The following SLC24A2 variants were observed in gnomAD, a reference collection of about 807,000 sequenced individuals.
SLC24A2 encodes the protein solute carrier family 24 member 2.
In SLC24A2, 36 loss-of-function variants were observed where a neutral mutation model predicts 62.0. The ratio of observed to expected loss-of-function variants is 0.58; its 90% confidence interval spans 0.44 to 0.77. The LOEUF (loss-of-function observed/expected upper bound fraction) is 0.77. Among genes scored for constraint, SLC24A2 ranks in the 30% least tolerant of loss-of-function variants. The pLI, the probability that SLC24A2 is intolerant of heterozygous loss-of-function variation, is 0.00. For missense variants in SLC24A2, 846 were observed against 817.9 expected, an observed-to-expected ratio of 1.03 and a Z score of -0.42; for synonymous variants, 358 against 294.0, an observed-to-expected ratio of 1.22 and a Z score of -2.23.
chr9:20,234,275 C>A, the SLC24A2 span, among the ~76,000 whole-genome samples: 4 of 152,130 alleles, frequency 2.6e-5, no homozygotes, highest in African/African-American at 9.7e-5. Flanking sequence ...TGTTGGCCTG[C>A]CTTGCTAGAT....
chr9:19,553,788 A>AT (rs796282079), intron 7 of SLC24A2, among the ~76,000 whole-genome samples: 7 of 152,334 alleles, frequency 4.6e-5, no homozygotes, highest in African/African-American at 1.7e-4. Flanking sequence ...GGAGTCTTGG[A>AT]TTTAAAAGGT....
chr9:20,243,652 T>C, the SLC24A2 span, among the ~76,000 whole-genome samples: 1 of 152,180 alleles, frequency 6.6e-6, no homozygotes, highest in Non-Finnish European at 1.5e-5. Context: ...CAAAGCATTC[T>C]AGAGTTTTAT....
At chr9:20,197,528 C>G in the SLC24A2 span, among the ~76,000 whole-genome samples, 1 of 147,972 alleles carries the variant, frequency 6.8e-6, no homozygotes, top group African/African-American at 2.5e-5. Context: ...ACCTCCCAGG[C>G]TAAGGTGATA....
At chr9:20,232,284 T>G in the SLC24A2 span, among the ~76,000 whole-genome samples, 1 of 152,218 alleles carries the variant, frequency 6.6e-6, no homozygotes, top group Non-Finnish European at 1.5e-5. Flanking sequence ...CTTTTTCTAT[T>G]GATTGGAATA....
the SLC24A2 span, among the ~76,000 whole-genome samples, chr9:19,847,894 T>C: frequency 6.6e-6 from 1 of 152,216 alleles, no homozygotes; most frequent in Non-Finnish European, 1.5e-5. Flanking sequence ...ACAGTCATTG[T>C]TGGGTCATTT....
chr9:20,196,031 G>T, the SLC24A2 span, among the ~76,000 whole-genome samples: 1 of 152,092 alleles, frequency 6.6e-6, no homozygotes, highest in East Asian at 1.9e-4. Context: ...AGCATTAAGC[G>T]AATATAATAT....
the SLC24A2 span, among the ~76,000 whole-genome samples, chr9:20,097,427 T>C: frequency 6.6e-6 from 1 of 152,218 alleles, no homozygotes; most frequent in Non-Finnish European, 1.5e-5. Flanking sequence ...AGTCTTTCTC[T>C]TTCTTCTATA....
rs1832585694 is a variant in SLC24A2 at position 19,508,323 on chromosome 9, T to TA, written c.*7829dup. The TA allele has an allele frequency of 6.6e-6, 1 of 152,208 alleles. No individual in the cohort carries two copies. The highest frequency in any genetic ancestry group is 1.5e-5 in the Non-Finnish European group (1 of 68,034). 9.4% of individuals were successfully genotyped at this position (152,208 alleles called of 1,614,324 possible). On this transcript the variant is annotated 3_prime_UTR_variant, in exon 11 of 11. Transcript: ENST00000341998. ...CACAAAACAGCCTCTAACAGAGGAATATCACTGGCCCTTGGTTCAGATACC... is the reference window on the plus strand; with the variant it reads ...CACAAAACAGCCTCTAACAGAGGAATAATCACTGGCCCTTGGTTCAGATACC...
At chr9:19,714,390 A>G (rs1820799036) in intron 2 of SLC24A2, among the ~76,000 whole-genome samples, 1 of 152,244 alleles carries the variant, frequency 6.6e-6, no homozygotes, top group South Asian at 2.1e-4. Context: ...ATCAAAAACC[A>G]AGAGCAGCCC....
chr9:20,009,701 G>T, the SLC24A2 span, among the ~76,000 whole-genome samples: 5 of 152,270 alleles, frequency 3.3e-5, no homozygotes, highest in South Asian at 4.1e-4. Flanking sequence ...ACCCAACTAA[G>T]CCCTGGTTCT....
At chr9:19,783,756 C>T (rs768659694) in intron 2 of SLC24A2, among the ~76,000 whole-genome samples, 12 of 152,170 alleles carry the variant, frequency 7.9e-5, no homozygotes, top group Non-Finnish European at 1.8e-4. Flanking sequence ...GCACGTTCCA[C>T]TTAAAAACGT....
At chr9:19,587,987 G>C (rs1836425540) in intron 5 of SLC24A2, among the ~76,000 whole-genome samples, 1 of 152,108 alleles carries the variant, frequency 6.6e-6, no homozygotes, top group Non-Finnish European at 1.5e-5. Flanking sequence ...GAAGACTGTG[G>C]CTTTACCCAC....
chr9:20,053,817 G>C, the SLC24A2 span, among the ~76,000 whole-genome samples: 1 of 152,186 alleles, frequency 6.6e-6, no homozygotes, highest in East Asian at 1.9e-4. Context: ...CTGTCACTTA[G>C]AAGCCACCCC....
At chr9:19,545,991 G>A (rs928929112) in intron 8 of SLC24A2, among the ~76,000 whole-genome samples, 21 of 152,138 alleles carry the variant, frequency 1.4e-4, no homozygotes, top group African/African-American at 4.8e-4. Context: ...TTTGCTGGAG[G>A]TCCACTCCAG....
the SLC24A2 span, among the ~76,000 whole-genome samples, chr9:20,101,036 C>A: frequency 6.6e-6 from 1 of 152,236 alleles, no homozygotes; most frequent in Non-Finnish European, 1.5e-5. Context: ...TTTGCGGAAA[C>A]CCTGCCTTCA....
At chr9:20,050,396 A>G in the SLC24A2 span, among the ~76,000 whole-genome samples, 2 of 152,114 alleles carry the variant, frequency 1.3e-5, no homozygotes, top group Non-Finnish European at 2.9e-5. Flanking sequence ...AGCCTGGATG[A>G]CAGAGGAAGA....
chr9:19,583,971 C>T (rs1452009580), intron 5 of SLC24A2, among the ~76,000 whole-genome samples: 1 of 152,178 alleles, frequency 6.6e-6, no homozygotes, highest in Non-Finnish European at 1.5e-5. Flanking sequence ...TTTCTCTGCA[C>T]ACACCCCTCT....
At chr9:20,220,250 T>C in the SLC24A2 span, among the ~76,000 whole-genome samples, 2 of 152,176 alleles carry the variant, frequency 1.3e-5, no homozygotes, top group Non-Finnish European at 2.9e-5. Context: ...AGTCATTCTT[T>C]CCTTCTTTGT....
At chr9:20,237,697 G>A in the SLC24A2 span, among the ~76,000 whole-genome samples, 1 of 152,084 alleles carries the variant, frequency 6.6e-6, no homozygotes, top group Non-Finnish European at 1.5e-5. Context: ...TGTTTTTAAT[G>A]ATTCTTAGTA....
Sources: allele counts gnomAD v4.1 joint callset (sites outside exome capture counted in the v4.1 genomes callset), GRCh38; gene constraint gnomAD v4.1.1; transcripts MANE v1.5; gene names NCBI Gene and HGNC (gene_info 2026-07-23, HGNC 2026-07-21).